The following SLC2A9 variants were observed in gnomAD, a reference collection of about 807,000 sequenced individuals.
SLC2A9 encodes the protein solute carrier family 2 member 9.
Under a neutral mutation model 50.6 loss-of-function variants are expected in SLC2A9, and 39 were observed. The observed-to-expected ratio is 0.77, with a 90% CI of 0.60 to 1.01. SLC2A9 has a LOEUF of 1.01. Among genes scored for constraint, SLC2A9 ranks in the 50% least tolerant of loss-of-function variants. The pLI, the probability that SLC2A9 is intolerant of heterozygous loss-of-function variation, is 0.00. For synonymous variants in SLC2A9, 324 were observed against 276.9 expected, an observed-to-expected ratio of 1.17 and a Z score of -1.69; for missense variants, 686 against 677.6, an observed-to-expected ratio of 1.01 and a Z score of -0.14.
intron 10 of SLC2A9, among the ~76,000 whole-genome samples, chr4:9,887,089 T>C (rs1355502080): frequency 6.6e-6 from 1 of 152,202 alleles, no homozygotes; most frequent in Non-Finnish European, 1.5e-5. Context: ...GCAAGTCACC[T>C]TCCATCTCTG....
At chr4:9,956,601 T>C (rs1751335780) in intron 5 of SLC2A9, among the ~76,000 whole-genome samples, 2 of 152,232 alleles carry the variant, frequency 1.3e-5, no homozygotes, top group South Asian at 2.1e-4. Flanking sequence ...GGCGTTCACA[T>C]AGAGGCTGGG....
At chr4:9,864,704 A>G (rs1376942212) in intron 10 of SLC2A9, among the ~76,000 whole-genome samples, 1 of 152,264 alleles carries the variant, frequency 6.6e-6, no homozygotes, top group Non-Finnish European at 1.5e-5. Flanking sequence ...TGGGAAGCAT[A>G]AAAGAGAGAA....
chr4:9,813,551 TA>T (rs776930142), intron 3 of SLC2A9, among the ~76,000 whole-genome samples: 52 of 152,292 alleles, frequency 3.4e-4, no homozygotes, highest in Non-Finnish European at 6.5e-4. Context: ...ATTTGTTCAG[TA>T]AACATGTAAG....
intron 3 of SLC2A9, among the ~76,000 whole-genome samples, chr4:9,815,724 G>A (rs763734870): frequency 2.6e-5 from 4 of 152,190 alleles, no homozygotes; most frequent in Non-Finnish European, 5.9e-5. Flanking sequence ...GCCATCTTGG[G>A]ATTCTGAAGG....
intron 3 of SLC2A9, among the ~76,000 whole-genome samples, chr4:9,818,397 G>C (rs1349875712): frequency 1.3e-5 from 2 of 152,200 alleles, no homozygotes; most frequent in Non-Finnish European, 2.9e-5. Context: ...ACAGGTAAGG[G>C]GAACTTTATT....
intron 8 of SLC2A9, among the ~76,000 whole-genome samples, chr4:9,900,206 G>T (rs1276306566): frequency 6.6e-6 from 1 of 152,188 alleles, no homozygotes; most frequent in Admixed American, 6.5e-5. Context: ...GACACAAGGG[G>T]ATGGTAAATG....
At chr4:9,899,145 AG>A (rs1427191891) in intron 8 of SLC2A9, among the ~76,000 whole-genome samples, 1 of 152,240 alleles carries the variant, frequency 6.6e-6, no homozygotes, top group East Asian at 1.9e-4. Context: ...GGCCCAGATG[AG>A]GGCCACCCCG....
intron 6 of SLC2A9, among the ~76,000 whole-genome samples, chr4:9,933,657 C>T (rs1746546564): frequency 6.6e-6 from 1 of 152,214 alleles, no homozygotes; most frequent in Non-Finnish European, 1.5e-5. Flanking sequence ...GCTCTATTCA[C>T]TTCCTCTTGC....
chr4:9,798,927 A>C (rs1229809817), downstream of SLC2A9: 3 of 152,236 alleles, frequency 2.0e-5, no homozygotes, highest in Non-Finnish European at 4.4e-5. Flanking sequence ...TGCCTGGTGT[A>C]TGGCAGCTGG....
Position 9,980,572 on chromosome 4 carries a change from G to C in SLC2A9, c.681+20C>G, listed in dbSNP as rs756626162. 41 of 1,613,766 alleles carry C rather than the reference G, an allele frequency of 2.5e-5. No individual in the cohort carries two copies. Among genetic ancestry groups the C allele is most frequent in the Non-Finnish European group, 3.3e-5 (39 of 1,180,000 alleles). On this transcript the variant is annotated intron_variant, in intron 5 of 11. Transcript: ENST00000264784. ...ACATGAGATGAGAGCAGATGCGGTTGACCAGGGAGCCACACTCACCTTTCC... is the reference window on the plus strand; with the variant it reads ...ACATGAGATGAGAGCAGATGCGGTTCACCAGGGAGCCACACTCACCTTTCC...
chr4:9,800,467 A>G (rs950828978), intron 3 of SLC2A9, among the ~76,000 whole-genome samples: 1 of 152,242 alleles, frequency 6.6e-6, no homozygotes, highest in Non-Finnish European at 1.5e-5. Flanking sequence ...CCACAGAAAG[A>G]AAGTGGCCAT....
chr4:9,989,641 AC>A, intron 3 of SLC2A9, among the ~76,000 whole-genome samples: 1 of 151,834 alleles, frequency 6.6e-6, no homozygotes, highest in Middle Eastern at 3.4e-3. Flanking sequence ...AGGCTCTGAG[AC>A]CCCCTGATAA....
At chr4:9,931,127 C>A (rs907375012) in intron 6 of SLC2A9, among the ~76,000 whole-genome samples, 1 of 152,176 alleles carries the variant, frequency 6.6e-6, no homozygotes, top group African/African-American at 2.4e-5. Flanking sequence ...GAAGGTAACT[C>A]TCTCAGAGGA....
intron 2 of SLC2A9, among the ~76,000 whole-genome samples, chr4:10,007,724 C>G (rs1761048829): frequency 6.6e-6 from 1 of 152,166 alleles, no homozygotes; most frequent in Non-Finnish European, 1.5e-5. Flanking sequence ...ATTTTGCTCT[C>G]CTTTTTGCAT....
chr4:9,977,413 G>A (rs1754976067), intron 5 of SLC2A9, among the ~76,000 whole-genome samples: 1 of 152,030 alleles, frequency 6.6e-6, no homozygotes, highest in South Asian at 2.1e-4. Context: ...AGTAGGAGAT[G>A]CCCTTGTCCC....
chr4:9,962,237 A>T (rs1027113770), intron 5 of SLC2A9, among the ~76,000 whole-genome samples: 1 of 152,262 alleles, frequency 6.6e-6, no homozygotes, highest in East Asian at 1.9e-4. Context: ...AAATGAATAT[A>T]AATCATTCTA....
At chr4:9,960,234 A>T (rs1752047377) in intron 5 of SLC2A9, among the ~76,000 whole-genome samples, 1 of 152,196 alleles carries the variant, frequency 6.6e-6, no homozygotes, top group Non-Finnish European at 1.5e-5. Context: ...TACCCAAGTC[A>T]CTCAGGCTCC....
At chr4:9,990,678 G>A (rs554168301) in intron 3 of SLC2A9, among the ~76,000 whole-genome samples, 1 of 152,250 alleles carries the variant, frequency 6.6e-6, no homozygotes, top group African/African-American at 2.4e-5. Context: ...GGGACAGCTT[G>A]TACCATTGAA....
intron 3 of SLC2A9, chr4:9,782,302 G>A: frequency 6.2e-7 from 1 of 1,614,016 alleles, no homozygotes; most frequent in Non-Finnish European, 8.5e-7. Context: ...TTTTCGTGGC[G>A]CTGCTGGTCA....
Sources: allele counts gnomAD v4.1 joint callset (sites outside exome capture counted in the v4.1 genomes callset), GRCh38; gene constraint gnomAD v4.1.1; transcripts MANE v1.5; gene names NCBI Gene and HGNC (gene_info 2026-07-23, HGNC 2026-07-21).